HSF2: variants seen among roughly 807,000 people sequenced by gnomAD.
The protein encoded by HSF2 is heat shock transcription factor 2.
A neutral mutation model predicts 65.0 loss-of-function variants in HSF2; 21 were observed. The observed-to-expected ratio is 0.32, with a 90% CI of 0.23 to 0.47. The LOEUF is 0.47. Among genes scored for constraint, HSF2 ranks in the 20% least tolerant of loss-of-function variants. The pLI is 1.00. For synonymous variants in HSF2, 225 were observed against 219.1 expected, an observed-to-expected ratio of 1.03 and a Z score of -0.24; for missense variants, 499 against 628.1, an observed-to-expected ratio of 0.79 and a Z score of 2.20.
At position 122,431,971 on chromosome 6, in the gene HSF2, C is replaced by T. The variant is rs543252755; in HGVS notation, c.1362C>T (p.Leu454=). The change falls in exon 13 of 13, where the codon CTC becomes CTT. Residue 454 remains leucine (L), a synonymous_variant. Coordinates refer to ENST00000368455, the MANE Select transcript of HSF2 (RefSeq NM_004506.4). ...CCGCCTTTCCACTTCTTGCATTCCT[C>T]GATGGGAACCCTGCTTCTTCTGTTG... The part of the protein sequence containing the change: ...QYTAFPLLAF[L]DGNPASSVEQ... 13 of 1,614,012 alleles carry T rather than the reference C, an allele frequency of 8.1e-6. No individual in the cohort carries two copies. The highest frequency in any genetic ancestry group is 4.5e-5 in the East Asian group (2 of 44,870).
intron 4 of HSF2, among the ~76,000 whole-genome samples, chr6:122,415,565 C>G (rs1774105464): frequency 6.6e-6 from 1 of 151,906 alleles, no homozygotes; most frequent in Admixed American, 6.6e-5. Context: ...CACTTGGTAA[C>G]CACAGTTGAA....
chr6:122,420,437 T>C (rs1168207568), intron 7 of HSF2: 3 of 158,354 alleles, frequency 1.9e-5, no homozygotes, highest in Non-Finnish European at 4.1e-5. Context: ...GTTTCTAAGT[T>C]TTTCTCTCTC....
chr6:122,416,284 A>G lies in HSF2; in HGVS notation c.519A>G (p.Gln173=). 6 of 1,610,420 alleles carry G rather than the reference A, an allele frequency of 3.7e-6. No individual in the cohort carries two copies. Among genetic ancestry groups the G allele is most frequent in the Middle Eastern group, 1.7e-4 (1 of 6,050 alleles). ...ELRAKHAQQQ[Q]VIRKIVQFIV... ...GAGCAAAGCATGCACAACAGCAACA[A>G]GTTATTCGAAAGGTAAGAAGCTCTT... Residue 173 remains glutamine (Q), a synonymous_variant, in exon 5 of 13, where the codon CAA becomes CAG. Coordinates refer to ENST00000368455, the MANE Select transcript of HSF2 (RefSeq NM_004506.4).
At chr6:122,406,310 A>G (rs45601934) in intron 1 of HSF2, among the ~76,000 whole-genome samples, 1,819 of 152,282 alleles carry the variant, frequency 0.012, 42 homozygotes, top group African/African-American at 0.042. Context: ...CTAAATGATT[A>G]GAAAAGATGG....
intron 2 of HSF2, 37 bp downstream of exon 2, chr6:122,412,518 C>A: frequency 6.5e-7 from 1 of 1,530,622 alleles, no homozygotes; most frequent in South Asian, 1.1e-5. Flanking sequence ...GTACCATTAT[C>A]AGCTACTGAT....
intron 3 of HSF2, 77 bp from the exon 4 acceptor site, chr6:122,413,448 C>G: frequency 9.0e-7 from 1 of 1,116,328 alleles, no homozygotes; most frequent in Non-Finnish European, 1.3e-6. Flanking sequence ...ACGAAAACCT[C>G]TTCTAATAGG....
chr6:122,406,132 A>G (rs1241401728), intron 1 of HSF2, among the ~76,000 whole-genome samples: 1 of 152,228 alleles, frequency 6.6e-6, no homozygotes. Flanking sequence ...CTAGAAAAAG[A>G]AAGATATTTA....
At chr6:122,418,711 A>G (rs34721321) in intron 5 of HSF2, among the ~76,000 whole-genome samples, 3,068 of 152,226 alleles carry the variant, frequency 0.02, 40 homozygotes, top group Non-Finnish European at 0.031. Context: ...GGCTGAAGCA[A>G]TCCTCCTACC....
At chr6:122,400,427 AATT>A (rs1773701983) in intron 1 of HSF2, among the ~76,000 whole-genome samples, 1 of 152,206 alleles carries the variant, frequency 6.6e-6, no homozygotes, top group Non-Finnish European at 1.5e-5. Context: ...GAAATTAACA[AATT>A]ATTCTTTTGA....
In HSF2 at chr6:122,419,172, TC is replaced by T; in HGVS notation, c.538del (p.Gln180SerfsTer13). Reference protein sequence around the residue: ...AQQQQVIRKIVQFIVTLVQNN... With the variant: ...AQQQQVIRKIXQFIVTLVQNN... ...TTTTGTTTATATTTTTTTCAGATTG[TC>T]CAGTTTATTGTTACATTGGTTCAAA... On this transcript the variant is annotated frameshift_variant, in exon 6 of 13. Transcript: ENST00000368455. LOFTEE classifies it high-confidence loss of function. The T allele has an allele frequency of 7.0e-7, 1 of 1,435,602 alleles. No individual in the cohort carries two copies. The highest frequency in any genetic ancestry group is 9.8e-7 in the Non-Finnish European group (1 of 1,025,314). The allele number at this position is 1,435,602 out of a possible 1,614,324, so 88.9% of individuals were successfully genotyped here.
At chr6:122,400,142 G>A (rs1271783404) in intron 1 of HSF2, among the ~76,000 whole-genome samples, 2 of 152,158 alleles carry the variant, frequency 1.3e-5, no homozygotes, top group African/African-American at 4.8e-5. Context: ...GAGGGGAATC[G>A]GCGAGCCGAG....
chr6:122,418,548 T>C (rs756257442), intron 5 of HSF2, among the ~76,000 whole-genome samples: 14 of 152,190 alleles, frequency 9.2e-5, no homozygotes, highest in Admixed American at 1.3e-4. Context: ...CCCTTGTCAG[T>C]AGGAAGTTTT....
intron 10 of HSF2, among the ~76,000 whole-genome samples, chr6:122,425,213 G>A (rs1337110079): frequency 6.6e-6 from 1 of 151,932 alleles, no homozygotes; most frequent in African/African-American, 2.4e-5. Flanking sequence ...CAAAACTTTA[G>A]AAACGAGTGG....
At chr6:122,427,351 G>T (rs1291113220) in intron 10 of HSF2, among the ~76,000 whole-genome samples, 1 of 152,022 alleles carries the variant, frequency 6.6e-6, no homozygotes, top group African/African-American at 2.4e-5. Context: ...ACTGAGGAGT[G>T]CAGTAAGCAG....
In HSF2 at chr6:122,413,520, C is replaced by G. The variant is rs748698175; in HGVS notation, c.331-5C>G. ...CTTTGATTTTCTAAATTTACTTTTT[C>G]AAAGGTTTCATCTTCAAAACCAGAA... is the stretch of plus-strand genomic sequence containing the variant. On this transcript the variant is annotated splice_region_variant and splice_polypyrimidine_tract_variant and intron_variant, in intron 3 of 12. Coordinates refer to ENST00000368455, the MANE Select transcript of HSF2 (RefSeq NM_004506.4). The G allele has an allele frequency of 6.4e-7, 1 of 1,552,710 alleles. No homozygotes were observed.
chr6:122,431,077 A>C lies in HSF2; in HGVS notation c.1231-353A>C, dbSNP rs1190041719. 2.0e-5 allele frequency among the ~76,000 whole-genome samples: 3 copies of C among 152,264 alleles called. No individual in the cohort carries two copies. In the East Asian group the frequency reaches 5.8e-4, roughly 29 times the overall value. ...CTACTTAAAATGAATTTAATTGCTTAGTTAATTATCTCTCAATTAACATTT... is the reference window on the plus strand; with the variant it reads ...CTACTTAAAATGAATTTAATTGCTTCGTTAATTATCTCTCAATTAACATTT... On this transcript the variant is annotated intron_variant, in intron 11 of 12. Transcript: ENST00000368455.
At chr6:122,421,215 A>C (rs1774228101) in intron 7 of HSF2, among the ~76,000 whole-genome samples, 1 of 152,018 alleles carries the variant, frequency 6.6e-6, no homozygotes, top group Admixed American at 6.6e-5. Context: ...TCAGATTTCT[A>C]TCCAGTGGCA....
At chr6:122,431,808 G>T in intron 12 of HSF2, 117 bp from the exon 13 acceptor site, 2 of 811,250 alleles carry the variant, frequency 2.5e-6, no homozygotes, top group Non-Finnish European at 4.0e-6. Flanking sequence ...GTCATTTCTT[G>T]TTTGGCTATA....
Position 122,399,804 on chromosome 6 carries a change from A to G in HSF2, c.67A>G (p.Thr23Ala). The stretch of plus-strand genomic sequence containing the variant: ...GTGGACGCTTGTGGAGGAAACCCAC[A>G]CTAACGAGTTCATCACCTGGAGCCA... ...KLWTLVEETHTNEFITWSQNG... is the reference protein window; with the variant it reads ...KLWTLVEETHANEFITWSQNG... The change falls in exon 1 of 13, where the codon ACT becomes GCT. Residue 23 changes from threonine to alanine, a missense_variant. Around this residue, in one of 2 missense-constraint regions of HSF2, gnomAD observed 150 missense variants for 234.6 expected, o/e 0.64. Transcript: ENST00000368455. The G allele has an allele frequency of 6.2e-7, 1 of 1,612,194 alleles. No homozygotes were observed. Among genetic ancestry groups the G allele is most frequent in the Non-Finnish European group, 8.5e-7 (1 of 1,179,282 alleles).
Sources: gnomAD v4.1 joint callset for allele counts (sites outside exome capture counted in the v4.1 genomes callset) on GRCh38, gnomAD v4.1.1 for gene constraint, gnomAD v4.1.1 regional missense constraint, MANE v1.5 for transcripts, NCBI Gene and HGNC (gene_info 2026-07-23, HGNC 2026-07-21) for gene names.